The following DENND1A variants were observed in gnomAD, a reference collection of about 807,000 sequenced individuals.
DENND1A encodes DENN domain-containing protein 1A.
A neutral mutation model predicts 113.7 loss-of-function variants in DENND1A; 51 were observed. That is an observed-to-expected ratio of 0.45 (90% confidence interval 0.36 to 0.57). The LOEUF is 0.57. Ranked by LOEUF, DENND1A falls within the 20% of genes least tolerant of loss-of-function variation. The pLI is 0.00. For synonymous variants in DENND1A, 565 were observed against 570.8 expected (o/e 0.99, Z 0.14); for missense variants, 1,258 against 1,395.9 (o/e 0.90, Z 1.57).
intron 2 of DENND1A, among the ~76,000 whole-genome samples, chr9:123,804,373 A>G (rs563950129): frequency 6.6e-6 from 1 of 152,298 alleles, no homozygotes; most frequent in South Asian, 2.1e-4. Context: ...AAAATGGACC[A>G]ATACACTCCT....
intron 12 of DENND1A, among the ~76,000 whole-genome samples, chr9:123,563,061 AGAAACT>A (rs1309247288): frequency 6.6e-6 from 1 of 152,204 alleles, no homozygotes; most frequent in Non-Finnish European, 1.5e-5. Context: ...GATCATTAGA[AGAAACT>A]GGTCTCTGTT....
Position 123,925,338 on chromosome 9 carries a change from T to C in DENND1A, c.17+4551A>G, listed in dbSNP as rs1030526774. The stretch of plus-strand genomic sequence containing the variant: ...TACCTATCTCTCAGCTGAAACATGA[T>C]CCCCTTGGTGAAGGCTTCCTTTCCT... On this transcript the variant is annotated intron_variant, in intron 1 of 23. Coordinates refer to ENST00000394215, the MANE Select transcript of DENND1A (RefSeq NM_001352964.2). 2.6e-5 allele frequency among the ~76,000 whole-genome samples: 4 copies of C among 152,098 alleles called. No homozygotes were observed. The East Asian group carries it at 5.8e-4, about 22-fold the overall frequency.
chr9:123,485,141 G>C (rs370258197), intron 13 of DENND1A, among the ~76,000 whole-genome samples: 1 of 152,214 alleles, frequency 6.6e-6, no homozygotes, highest in East Asian at 1.9e-4. Flanking sequence ...AGCAGAGCCT[G>C]GCGTGCATGC....
chr9:123,746,160 A>G (rs762535488), intron 5 of DENND1A, among the ~76,000 whole-genome samples: 1 of 152,190 alleles, frequency 6.6e-6, no homozygotes, highest in African/African-American at 2.4e-5. Context: ...TTCTGTTTGC[A>G]GGTTATATTT....
At chr9:123,674,337 C>CTG (rs2063921048) in intron 6 of DENND1A, among the ~76,000 whole-genome samples, 1 of 126,952 alleles carries the variant, frequency 7.9e-6, no homozygotes, top group Non-Finnish European at 1.6e-5. Context: ...GTCTCTGTCT[C>CTG]TCTCTCACAC....
chr9:123,382,225 G>T lies in DENND1A; in HGVS notation c.2420C>A (p.Ala807Asp). 1 of 1,609,454 alleles carries T rather than the reference G, an allele frequency of 6.2e-7. No homozygotes were observed. Among genetic ancestry groups the T allele is most frequent in the Admixed American group, 1.7e-5 (1 of 59,878 alleles). The change falls in exon 24 of 24, where the codon GCT (alanine) becomes GAT (aspartate). Residue 807 changes from alanine (A) to aspartate (D), a missense_variant. By Grantham distance (126) the Ala-to-Asp change is moderately radical (BLOSUM62 -2). This residue lies in a region of DENND1A where 1,159 missense variants were observed against 1,231.7 expected (regional missense o/e 0.94). Coordinates refer to ENST00000394215, the MANE Select transcript of DENND1A (RefSeq NM_001352964.2). ...AGGCAGGAGCCCTGGACTCAGGGCA[G>T]CTCGCCTGTCCCGATCCGTCTGCAG... ...ERLQTDRDRR[A>D]ALSPGLLPGV... is the part of the protein sequence containing the mutation.
intron 2 of DENND1A, among the ~76,000 whole-genome samples, chr9:123,797,613 C>T (rs1325099566): frequency 6.6e-6 from 1 of 152,078 alleles, no homozygotes; most frequent in Non-Finnish European, 1.5e-5. Flanking sequence ...GCTATAAAAA[C>T]TCAGCTTCAT....
At chr9:123,884,083 C>A (rs1848682893) in intron 1 of DENND1A, among the ~76,000 whole-genome samples, 5 of 152,048 alleles carry the variant, frequency 3.3e-5, no homozygotes, top group Admixed American at 3.3e-4. Flanking sequence ...TATTTCTCTG[C>A]AAATCAAAAA....
At chr9:123,816,143 G>A (rs1441817078) in intron 2 of DENND1A, among the ~76,000 whole-genome samples, 1 of 151,950 alleles carries the variant, frequency 6.6e-6, no homozygotes. Flanking sequence ...TGGGGCCAAA[G>A]GCTTGCGCCA....
At chr9:123,403,191 G>A (rs1301029097) in intron 21 of DENND1A, among the ~76,000 whole-genome samples, 2 of 152,168 alleles carry the variant, frequency 1.3e-5, no homozygotes, top group Admixed American at 6.5e-5. Flanking sequence ...CCAAGTGCCC[G>A]GCTCCCTGGC....
At chr9:123,884,988 A>AGT (rs1564444208) in intron 1 of DENND1A, among the ~76,000 whole-genome samples, 107 of 136,422 alleles carry the variant, frequency 7.8e-4, no homozygotes, top group African/African-American at 3.1e-3. Context: ...CTGACCTGCG[A>AGT]GCGCGCGCGC....
At chr9:123,531,092 T>G (rs553884846) in intron 13 of DENND1A, among the ~76,000 whole-genome samples, 1 of 152,324 alleles carries the variant, frequency 6.6e-6, no homozygotes, top group Non-Finnish European at 1.5e-5. Context: ...TTTATATGAT[T>G]TCCATATATG....
rs1474271672 is a variant in DENND1A at position 123,456,393 on chromosome 9, A to G, written c.1186+955T>C. On this transcript the variant is annotated intron_variant, in intron 15 of 23. Coordinates refer to ENST00000394215, the MANE Select transcript of DENND1A (RefSeq NM_001352964.2). ...AAAGAAGGTCAGACTGGGATTCAGG[A>G]GGTAGACTCAGCCACCAACACCTCT... 2.0e-5 allele frequency among the ~76,000 whole-genome samples: 3 copies of G among 152,124 alleles called. No individual in the cohort carries two copies. In the East Asian group the frequency reaches 5.8e-4, roughly 29 times the overall value.
intron 19 of DENND1A, among the ~76,000 whole-genome samples, chr9:123,435,032 G>C (rs1325795086): frequency 6.6e-6 from 1 of 152,204 alleles, no homozygotes; most frequent in Non-Finnish European, 1.5e-5. Flanking sequence ...GGCGGAGCCT[G>C]GCTCTGGATG....
chr9:123,540,741 G>A (rs531030922), intron 13 of DENND1A, among the ~76,000 whole-genome samples: 87 of 152,122 alleles, frequency 5.7e-4, no homozygotes, highest in Non-Finnish European at 1.1e-3. Context: ...CAGGGAGTAC[G>A]GCAAAAATGT....
chr9:123,605,107 T>G (rs1304775013), intron 11 of DENND1A, among the ~76,000 whole-genome samples: 2 of 152,142 alleles, frequency 1.3e-5, no homozygotes, highest in African/African-American at 4.8e-5. Flanking sequence ...TTCTAACTGC[T>G]CTACTTCACT....
At chr9:123,854,754 A>C (rs964511573) in intron 2 of DENND1A, among the ~76,000 whole-genome samples, 1 of 151,112 alleles carries the variant, frequency 6.6e-6, no homozygotes, top group Non-Finnish European at 1.5e-5. Flanking sequence ...AACTGATTTA[A>C]TCAATTTAAG....
intron 2 of DENND1A, among the ~76,000 whole-genome samples, chr9:123,873,974 C>T (rs1180872035): frequency 6.6e-6 from 1 of 152,048 alleles, no homozygotes; most frequent in Non-Finnish European, 1.5e-5. Flanking sequence ...AACTCTTGAC[C>T]TTGTGATCCG....
chr9:123,696,900 C>T (rs755143975), intron 5 of DENND1A, among the ~76,000 whole-genome samples: 8 of 152,104 alleles, frequency 5.3e-5, no homozygotes, highest in Non-Finnish European at 1.2e-4. Context: ...AAGAACACAA[C>T]TAAAAAGGTC....
Sources: gnomAD v4.1 joint callset for allele counts (sites outside exome capture counted in the v4.1 genomes callset) on GRCh38, gnomAD v4.1.1 for gene constraint, gnomAD v4.1.1 regional missense constraint, MANE v1.5 for transcripts, NCBI Gene and HGNC (gene_info 2026-07-23, HGNC 2026-07-21) for gene names.